CDK14: variants seen among roughly 807,000 people sequenced by gnomAD.
CDK14 encodes the protein cyclin dependent kinase 14, also known as cyclin-dependent kinase 14.
CDK14 carries 34 observed loss-of-function variants against 60.7 expected under a neutral mutation model. That is an observed-to-expected ratio of 0.56 (90% CI 0.43 to 0.75). The LOEUF (loss-of-function observed/expected upper bound fraction) is 0.75, where lower values mean the gene tolerates loss of function less well. Ranked by LOEUF, CDK14 falls within the 30% of genes least tolerant of loss-of-function variation. CDK14 has a pLI of 0.00. For synonymous variants in CDK14, 197 were observed against 203.7 expected (o/e 0.97, Z 0.28); for missense variants, 482 against 564.1 (o/e 0.85, Z 1.47).
At chr7:90,990,483 A>G (rs934146095) in intron 10 of CDK14, among the ~76,000 whole-genome samples, 10 of 152,198 alleles carry the variant, frequency 6.6e-5, no homozygotes, top group Admixed American at 2.6e-4. Context: ...CTTAATTTGT[A>G]CTTGTTTCCT....
intron 6 of CDK14, among the ~76,000 whole-genome samples, chr7:90,882,281 A>G (rs1009826773): frequency 2.8e-5 from 4 of 145,068 alleles, no homozygotes; most frequent in African/African-American, 1.0e-4. Context: ...AAAAAAAAGC[A>G]GGGATTGGAA....
intron 9 of CDK14, among the ~76,000 whole-genome samples, chr7:90,965,212 T>C (rs1794715754): frequency 6.6e-6 from 1 of 152,148 alleles, no homozygotes; most frequent in Non-Finnish European, 1.5e-5. Flanking sequence ...AGATGGTTAT[T>C]CTCTGTTCTC....
intron 14 of CDK14, among the ~76,000 whole-genome samples, chr7:91,177,675 CAGAG>C (rs1198440977): frequency 6.7e-6 from 1 of 149,416 alleles, no homozygotes; most frequent in Non-Finnish European, 1.5e-5. Flanking sequence ...AACAGACAAA[CAGAG>C]AGCCAAATCA....
chr7:90,787,835 G>A (rs1805662537), intron 4 of CDK14, among the ~76,000 whole-genome samples: 1 of 152,100 alleles, frequency 6.6e-6, no homozygotes, highest in African/African-American at 2.4e-5. Flanking sequence ...ATGAACCTAG[G>A]TCTTGTTTTT....
At chr7:90,785,009 C>T (rs1205610828) in intron 4 of CDK14, among the ~76,000 whole-genome samples, 1 of 152,164 alleles carries the variant, frequency 6.6e-6, no homozygotes, top group East Asian at 1.9e-4. Flanking sequence ...ATTCTACTGT[C>T]ACTCCCTCCA....
chr7:90,763,911 T>C (rs1230554672), intron 4 of CDK14, among the ~76,000 whole-genome samples: 2 of 152,182 alleles, frequency 1.3e-5, no homozygotes, highest in African/African-American at 4.8e-5. Flanking sequence ...GCTTGTCATT[T>C]TCATGATTAT....
chr7:91,112,231 A>C (rs1467740170), intron 12 of CDK14, among the ~76,000 whole-genome samples: 1 of 152,160 alleles, frequency 6.6e-6, no homozygotes, highest in African/African-American at 2.4e-5. Context: ...AAATTCTAAT[A>C]ATTATTTGAT....
chr7:91,137,422 C>G (rs1410383114), intron 14 of CDK14, among the ~76,000 whole-genome samples: 1 of 152,144 alleles, frequency 6.6e-6, no homozygotes, highest in Non-Finnish European at 1.5e-5. Context: ...AAACAGTTAT[C>G]TGCATTACTG....
intron 11 of CDK14, among the ~76,000 whole-genome samples, chr7:91,078,718 C>T (rs755284739): frequency 2.6e-5 from 4 of 152,026 alleles, no homozygotes; most frequent in Non-Finnish European, 4.4e-5. Context: ...TTCAAAAAAT[C>T]AATGGTATAT....
chr7:90,986,440 A>G (rs1352623947), intron 10 of CDK14, among the ~76,000 whole-genome samples: 1 of 152,012 alleles, frequency 6.6e-6, no homozygotes, highest in Non-Finnish European at 1.5e-5. Flanking sequence ...TCTCTTATTC[A>G]CTTTATTGAG....
chr7:90,804,637 G>A (rs1788756448), intron 5 of CDK14, among the ~76,000 whole-genome samples: 2 of 152,026 alleles, frequency 1.3e-5, no homozygotes, highest in South Asian at 4.1e-4. Context: ...CTTGTCAAGT[G>A]TTAAATCATG....
At chr7:91,175,675 C>G (rs1801718213) in intron 14 of CDK14, among the ~76,000 whole-genome samples, 2 of 151,114 alleles carry the variant, frequency 1.3e-5, no homozygotes, top group Admixed American at 6.6e-5. Context: ...TCTGATAAAA[C>G]AGACTTTAAA....
intron 7 of CDK14, among the ~76,000 whole-genome samples, chr7:90,900,708 A>G (rs1792480241): frequency 6.6e-6 from 1 of 152,194 alleles, no homozygotes; most frequent in African/African-American, 2.4e-5. Context: ...GCCACAGTGG[A>G]AATGAGCAGA....
At chr7:90,916,106 T>G (rs970508807) in intron 7 of CDK14, among the ~76,000 whole-genome samples, 2 of 152,182 alleles carry the variant, frequency 1.3e-5, no homozygotes, top group African/African-American at 4.8e-5. Context: ...AGTGGCTTTA[T>G]TTTTCCCTCT....
chr7:90,945,164 A>T (rs1794063736), intron 8 of CDK14, among the ~76,000 whole-genome samples: 1 of 152,234 alleles, frequency 6.6e-6, no homozygotes, highest in South Asian at 2.1e-4. Flanking sequence ...TAAAGCCCAG[A>T]GGATCTATTA....
intron 14 of CDK14, among the ~76,000 whole-genome samples, chr7:91,194,892 T>C (rs1429276867): frequency 6.6e-6 from 1 of 152,340 alleles, no homozygotes; most frequent in East Asian, 1.9e-4. Context: ...CTGGTGCTTT[T>C]GTTTCAGTCT....
At chr7:90,856,773 G>T (rs1425960539) in intron 5 of CDK14, among the ~76,000 whole-genome samples, 1 of 152,090 alleles carries the variant, frequency 6.6e-6, no homozygotes, top group Non-Finnish European at 1.5e-5. Flanking sequence ...TGTAGTAAAA[G>T]TAAATTTCAA....
At chr7:90,872,398 A>G (rs1470886155) in intron 6 of CDK14, among the ~76,000 whole-genome samples, 4 of 152,220 alleles carry the variant, frequency 2.6e-5, no homozygotes, top group African/African-American at 9.6e-5. Context: ...AACATTGTGG[A>G]TGACTGAATG....
chr7:90,832,062 G>T (rs977291861), intron 5 of CDK14, among the ~76,000 whole-genome samples: 1 of 151,970 alleles, frequency 6.6e-6, no homozygotes, highest in Non-Finnish European at 1.5e-5. Flanking sequence ...GAATACATCT[G>T]ATCATTTTTT....
Sources: gnomAD v4.1 joint callset for allele counts (sites outside exome capture counted in the v4.1 genomes callset) on GRCh38, gnomAD v4.1.1 for gene constraint, MANE v1.5 for transcripts, NCBI Gene and HGNC (gene_info 2026-07-23, HGNC 2026-07-21) for gene names.